ZNF384: variants seen among roughly 807,000 people sequenced by gnomAD.
ZNF384 encodes zinc finger protein 384.
In ZNF384, 20 loss-of-function variants were observed where a neutral mutation model predicts 65.0. The ratio of observed to expected loss-of-function variants is 0.31; its 90% confidence interval spans 0.22 to 0.45. ZNF384 has a LOEUF of 0.45. ZNF384 is among the 20% of genes least tolerant of loss of function. The pLI is 1.00. For synonymous variants in ZNF384, 310 were observed against 303.9 expected (o/e 1.02, Z -0.21); for missense variants, 549 against 769.4 (o/e 0.71, Z 3.39).
intron 3 of ZNF384, 22 bp from the exon 4 acceptor site, chr12:6,679,205 G>A (rs1490563456): frequency 3.9e-6 from 6 of 1,545,484 alleles, no homozygotes; most frequent in South Asian, 2.5e-5. Flanking sequence ...GGAAGGGGAC[G>A]GGAGCACCCT....
At chr12:6,686,438 G>C (rs1489882584) in intron 2 of ZNF384, among the ~76,000 whole-genome samples, 4 of 152,166 alleles carry the variant, frequency 2.6e-5, no homozygotes, top group Non-Finnish European at 5.9e-5. Context: ...ATTTCTAGTA[G>C]AGACGGGATT....
At chr12:6,683,661 C>CAAAAAAAA (rs550687196) in intron 2 of ZNF384, among the ~76,000 whole-genome samples, 3 of 66,642 alleles carry the variant, frequency 4.5e-5, no homozygotes, top group African/African-American at 4.1e-5. Context: ...GACCCTGTCT[C>CAAAAAAAA]AAAAAAAAAA....
At chr12:6,680,928 T>C (rs534716798) in intron 2 of ZNF384, among the ~76,000 whole-genome samples, 7 of 152,044 alleles carry the variant, frequency 4.6e-5, no homozygotes, top group African/African-American at 1.2e-4. Flanking sequence ...TCAAAAACTG[T>C]GCTTCCGGCT....
Position 6,670,710 on chromosome 12 carries a change from T to A in ZNF384, c.1266+50A>T, listed in dbSNP as rs114357961. 1.3e-3 allele frequency: 1,970 copies of A among 1,537,200 alleles called. 22 individuals carry two copies. In the African/African-American group the frequency reaches 0.023, roughly 18 times the overall value. On this transcript the variant is annotated intron_variant, in intron 10 of 11. Coordinates refer to ENST00000683879, the MANE Select transcript of ZNF384 (RefSeq NM_001385745.1). Reference sequence around the variant, plus strand: ...TTTGAGAACCACGATACTATTCAAATGGCCCCATGTCTCAGACTCAAGGTC... The same window carrying A: ...TTTGAGAACCACGATACTATTCAAAAGGCCCCATGTCTCAGACTCAAGGTC...
upstream of ZNF384, chr12:6,689,466 A>C (rs75448266): frequency 0.058 from 8,833 of 152,298 alleles, 377 homozygotes; most frequent in Non-Finnish European, 0.087. Context: ...TGCGGAGAGA[A>C]GGCGGGAGCG....
In ZNF384 at chr12:6,667,924, C is replaced by A; in HGVS notation, c.1617G>T (p.Gln539His). 2 of 1,608,940 alleles carry A rather than the reference C, an allele frequency of 1.2e-6. No homozygotes were observed. The highest frequency in any genetic ancestry group is 1.7e-6 in the Non-Finnish European group (2 of 1,176,550). Residue 539 changes from glutamine to histidine, a missense_variant, in exon 12 of 12, where the codon CAG (glutamine) becomes CAT (histidine). Coordinates refer to ENST00000683879, the MANE Select transcript of ZNF384 (RefSeq NM_001385745.1). Reference protein sequence around the residue: ...QASQQQQQQQQQQQQQQQQPP... With the variant: ...QASQQQQQQQHQQQQQQQQPP... The stretch of plus-strand genomic sequence containing the variant: ...GCTGTTGCTGCTGCTGCTGCTGCTG[C>A]TGCTGCTGCTGCTGCTGCTGCTGTG...
chr12:6,668,837 AG>A (rs1414113606), intron 11 of ZNF384, among the ~76,000 whole-genome samples, 193 bp downstream of exon 11: 1 of 152,212 alleles, frequency 6.6e-6, no homozygotes, highest in African/African-American at 2.4e-5. Context: ...GCGTCTCTAT[AG>A]GATTAGGAGA....
At chr12:6,675,768 T>C (rs552544262) in intron 7 of ZNF384, among the ~76,000 whole-genome samples, 16 of 152,338 alleles carry the variant, frequency 1.1e-4, no homozygotes, top group African/African-American at 3.8e-4. Context: ...TATCCATTTT[T>C]CCTAAAATGC....
intron 10 of ZNF384, among the ~76,000 whole-genome samples, chr12:6,669,602 C>T (rs1165894434): frequency 2.0e-5 from 3 of 151,762 alleles, no homozygotes; most frequent in Admixed American, 6.6e-5. Flanking sequence ...CGGGTTCAAG[C>T]GATTCTCCTG....
chr12:6,675,962 T>C (rs576597667), intron 7 of ZNF384, among the ~76,000 whole-genome samples: 1 of 152,146 alleles, frequency 6.6e-6, no homozygotes, highest in African/African-American at 2.4e-5. Flanking sequence ...GAAGAGGGTA[T>C]GGCTGACCCA....
chr12:6,668,224 C>T (rs978354845), intron 11 of ZNF384, 109 bp from the exon 12 acceptor site: 1 of 1,171,882 alleles, frequency 8.5e-7, no homozygotes, highest in East Asian at 2.4e-5. Flanking sequence ...AAGCTTTATA[C>T]TGGTTTTCTG....
intron 7 of ZNF384, among the ~76,000 whole-genome samples, chr12:6,674,616 A>G (rs891956908): frequency 2.0e-5 from 3 of 152,164 alleles, no homozygotes; most frequent in African/African-American, 7.2e-5. Flanking sequence ...ATGCCCAATC[A>G]TTGCAGGAGA....
At chr12:6,684,846 T>C (rs1425845862) in intron 2 of ZNF384, among the ~76,000 whole-genome samples, 2 of 151,930 alleles carry the variant, frequency 1.3e-5, no homozygotes, top group African/African-American at 2.4e-5. Context: ...CCCCCTAGAG[T>C]TGTGTAACAG....
Position 6,673,021 on chromosome 12 carries a change from A to T in ZNF384, c.1004+195T>A. ...CACAAAAATTGTTCCAGACTTTGGA[A>T]TTGGAGACCACAATTTTCAAGGCCC... On this transcript the variant is annotated intron_variant, in intron 8 of 11. Coordinates refer to ENST00000683879, the MANE Select transcript of ZNF384 (RefSeq NM_001385745.1). The surrounding 1 kb of genome is among the most constrained non-coding windows in gnomAD (Gnocchi z 4.7). 1 of 604,408 alleles carries T rather than the reference A, an allele frequency of 1.7e-6. No individual in the cohort carries two copies. The highest frequency in any genetic ancestry group is 2.1e-5 in the South Asian group (1 of 47,532). 37.4% of individuals were successfully genotyped at this position (604,408 alleles called of 1,614,324 possible). A position where few individuals can be genotyped will look rare whatever the true frequency, so the allele number is the denominator to read the frequency against.
chr12:6,689,091 G>C lies in ZNF384; in HGVS notation c.-66+7C>G. ...GCGCGCGCCGGCTGTAGCGGCGCGAGACTCACCGGGCGGCGACGGCTGCGG... is the reference window on the plus strand; with the variant it reads ...GCGCGCGCCGGCTGTAGCGGCGCGACACTCACCGGGCGGCGACGGCTGCGG... On this transcript the variant is annotated splice_region_variant and intron_variant, in intron 1 of 11. Coordinates refer to ENST00000683879, the MANE Select transcript of ZNF384 (RefSeq NM_001385745.1). 6.6e-6 allele frequency: 1 copy of C among 152,394 alleles called. No homozygotes were observed. Among genetic ancestry groups the C allele is most frequent in the Non-Finnish European group, 1.5e-5 (1 of 68,146 alleles). The allele number at this position is 152,394 out of a possible 1,614,324, so 9.4% of individuals were successfully genotyped here. A position where few individuals can be genotyped will look rare whatever the true frequency, so the allele number is the denominator to read the frequency against.
intron 10 of ZNF384, among the ~76,000 whole-genome samples, chr12:6,669,942 GCACA>G (rs144377238): frequency 0.039 from 5,382 of 139,220 alleles, 155 homozygotes; most frequent in Middle Eastern, 0.095. Flanking sequence ...ACGCGCGCGC[GCACA>G]CACACACACA....
intron 2 of ZNF384, among the ~76,000 whole-genome samples, chr12:6,686,473 T>A (rs1957949588): frequency 6.6e-6 from 1 of 152,196 alleles, no homozygotes; most frequent in African/African-American, 2.4e-5. Flanking sequence ...AGGCTGGTCT[T>A]GAACTTCTGA....
intron 2 of ZNF384, among the ~76,000 whole-genome samples, chr12:6,685,833 G>C (rs1189318409): frequency 2.7e-5 from 4 of 148,734 alleles, no homozygotes; most frequent in African/African-American, 7.4e-5. Flanking sequence ...AAGTTGGAGA[G>C]TAATTTTCTC....
rs1272905482 is a variant in ZNF384, at chr12:6,667,920, GC to G, written c.1620del (p.Gln540HisfsTer40). 1.9e-6 allele frequency: 3 copies of G among 1,605,534 alleles called. No individual in the cohort carries two copies. The African/African-American group carries it at 4.0e-5, about 22-fold the overall frequency. On this transcript the variant is annotated frameshift_variant, in exon 12 of 12. Coordinates refer to ENST00000683879, the MANE Select transcript of ZNF384 (RefSeq NM_001385745.1). LOFTEE classifies it high-confidence loss of function. ...ASQQQQQQQQ[Q>X]QQQQQQQPPP... ...GGTGGCTGTTGCTGCTGCTGCTGCT[GC>G]TGCTGCTGCTGCTGCTGCTGCTGCT...
Sources: gnomAD v4.1 joint callset for allele counts (sites outside exome capture counted in the v4.1 genomes callset) on GRCh38, gnomAD v4.1.1 for gene constraint, Gnocchi (gnomAD v3.1) non-coding constraint, MANE v1.5 for transcripts, NCBI Gene and HGNC (gene_info 2026-07-23, HGNC 2026-07-21) for gene names.